EPHA6: variants seen among roughly 807,000 people sequenced by gnomAD.
The protein encoded by EPHA6 is ephrin type-A receptor 6.
EPHA6 carries 50 observed loss-of-function variants against 112.0 expected under a neutral mutation model. The ratio of observed to expected loss-of-function variants is 0.45; its 90% confidence interval spans 0.36 to 0.56. The LOEUF (loss-of-function observed/expected upper bound fraction) is 0.56, where lower values mean the gene tolerates loss of function less well. EPHA6 is among the 20% of genes least tolerant of loss of function. The pLI is 0.00. For missense variants in EPHA6, 1,280 were observed against 1,417.4 expected (o/e 0.90, Z 1.56); for synonymous variants, 529 against 490.7 (o/e 1.08, Z -1.03).
At chr3:97,683,538 C>G (rs1297753905) in intron 14 of EPHA6, among the ~76,000 whole-genome samples, 1 of 151,964 alleles carries the variant, frequency 6.6e-6, no homozygotes, top group Non-Finnish European at 1.5e-5. Flanking sequence ...AAAATGAAAC[C>G]TTACAATTTT....
chr3:97,489,817 A>ATATCT (rs58032754), intron 10 of EPHA6, among the ~76,000 whole-genome samples: 10,319 of 152,178 alleles, frequency 0.068, 1,077 homozygotes, highest in African/African-American at 0.22. Context: ...AATTATTTAA[A>ATATCT]TAACGTAAAA....
intron 2 of EPHA6, among the ~76,000 whole-genome samples, chr3:96,938,733 T>C (rs571499339): frequency 0.016 from 2,441 of 151,674 alleles, 58 homozygotes; most frequent in African/African-American, 0.05. Flanking sequence ...CAGTGTGATA[T>C]TGGCTGTGGG....
intron 5 of EPHA6, among the ~76,000 whole-genome samples, chr3:97,281,234 CGT>C (rs2080278319): frequency 1.4e-5 from 2 of 144,382 alleles, no homozygotes; most frequent in Middle Eastern, 3.2e-3. Flanking sequence ...TGTGTGCGCG[CGT>C]GTGTGCATGA....
intron 2 of EPHA6, among the ~76,000 whole-genome samples, chr3:96,936,864 G>C (rs1007173099): frequency 6.6e-6 from 1 of 151,986 alleles, no homozygotes; most frequent in South Asian, 2.1e-4. Context: ...GTGGTGTTTG[G>C]TATTTTGTCC....
intron 5 of EPHA6, among the ~76,000 whole-genome samples, chr3:97,299,976 T>G (rs911201097): frequency 6.6e-6 from 1 of 152,014 alleles, no homozygotes; most frequent in African/African-American, 2.4e-5. Flanking sequence ...ATTCTTATAG[T>G]ATAATAGGAA....
At position 97,365,866 on chromosome 3, in the gene EPHA6, G is replaced by T. The variant is rs140667501; in HGVS notation, c.1607-39284G>T. On this transcript the variant is annotated intron_variant, in intron 5 of 17. Transcript: ENST00000389672. The stretch of plus-strand genomic sequence containing the variant: ...AACTAGTCTGTTTTGATCATCCCTA[G>T]GTTAAGGGGTTTGCTTTGGTTTTCA... Among the ~76,000 whole-genome samples, 3 of 152,138 alleles carry T rather than the reference G, an allele frequency of 2.0e-5. No homozygotes were observed. In the East Asian group the frequency reaches 5.8e-4, roughly 29 times the overall value.
At chr3:96,843,492 G>A (rs2034875849) in intron 1 of EPHA6, among the ~76,000 whole-genome samples, 1 of 151,082 alleles carries the variant, frequency 6.6e-6, no homozygotes, top group African/African-American at 2.5e-5. Context: ...TTTAGCTTAG[G>A]TTAGTTAGGA....
chr3:97,589,294 A>C (rs2093521233), intron 11 of EPHA6, among the ~76,000 whole-genome samples: 1 of 151,680 alleles, frequency 6.6e-6, no homozygotes, highest in Admixed American at 6.6e-5. Context: ...TTAAATATAT[A>C]TTTTTTAGGA....
At chr3:97,183,349 A>C (rs1431317410) in intron 3 of EPHA6, among the ~76,000 whole-genome samples, 3 of 152,174 alleles carry the variant, frequency 2.0e-5, no homozygotes, top group African/African-American at 7.2e-5. Context: ...AATACAAATT[A>C]AAATGATGAG....
chr3:97,328,938 G>C (rs944256168), intron 5 of EPHA6, among the ~76,000 whole-genome samples: 3 of 151,958 alleles, frequency 2.0e-5, no homozygotes, highest in African/African-American at 7.3e-5. Flanking sequence ...ATAACATTAG[G>C]CATATCTCCT....
At chr3:97,073,154 A>C (rs1274020623) in intron 3 of EPHA6, among the ~76,000 whole-genome samples, 1 of 152,152 alleles carries the variant, frequency 6.6e-6, no homozygotes, top group Non-Finnish European at 1.5e-5. Flanking sequence ...TTTACAGTCC[A>C]AATAAGAAAT....
At chr3:96,930,739 C>T (rs889207417) in intron 2 of EPHA6, among the ~76,000 whole-genome samples, 11 of 152,008 alleles carry the variant, frequency 7.2e-5, no homozygotes, top group Admixed American at 5.9e-4. Context: ...TGCCTGTAAT[C>T]CCGGAACTTT....
At chr3:97,449,207 G>A (rs1356245585) in intron 7 of EPHA6, among the ~76,000 whole-genome samples, 1 of 151,936 alleles carries the variant, frequency 6.6e-6, no homozygotes, top group Non-Finnish European at 1.5e-5. Flanking sequence ...CATTAATTCC[G>A]GGACCTCAAC....
chr3:97,526,612 C>T (rs981722158), intron 10 of EPHA6, among the ~76,000 whole-genome samples: 15 of 150,726 alleles, frequency 1.0e-4, no homozygotes, highest in African/African-American at 3.7e-4. Context: ...GCAAGACTGT[C>T]CAAGTGCATC....
At chr3:97,041,779 G>T (rs1015108209) in intron 3 of EPHA6, among the ~76,000 whole-genome samples, 4 of 152,076 alleles carry the variant, frequency 2.6e-5, no homozygotes, top group African/African-American at 9.7e-5. Flanking sequence ...CAGAGAAAAA[G>T]GGAGAGAGAG....
intron 1 of EPHA6, among the ~76,000 whole-genome samples, chr3:96,844,799 C>G (rs1431555918): frequency 6.6e-6 from 1 of 151,784 alleles, no homozygotes; most frequent in East Asian, 1.9e-4. Flanking sequence ...AGTGTGTGAT[C>G]AAGACAGATG....
intron 3 of EPHA6, among the ~76,000 whole-genome samples, chr3:97,037,534 A>T (rs568397776): frequency 3.0e-4 from 46 of 152,172 alleles, no homozygotes; most frequent in African/African-American, 1.1e-3. Flanking sequence ...GGGAAGAGAT[A>T]AAGTTGAAAA....
intron 2 of EPHA6, among the ~76,000 whole-genome samples, chr3:96,970,344 T>C (rs1448696920): frequency 1.3e-5 from 2 of 151,792 alleles, no homozygotes; most frequent in African/African-American, 2.4e-5. Context: ...CATCCTAACT[T>C]ATAATTGTGT....
intron 3 of EPHA6, among the ~76,000 whole-genome samples, chr3:97,130,208 T>A (rs374549320): frequency 2.0e-5 from 3 of 152,148 alleles, no homozygotes; most frequent in Non-Finnish European, 4.4e-5. Flanking sequence ...TCTCTTGGAT[T>A]ATGCACATGT....
Sources: gnomAD v4.1 joint callset for allele counts (sites outside exome capture counted in the v4.1 genomes callset) on GRCh38, gnomAD v4.1.1 for gene constraint, MANE v1.5 for transcripts, NCBI Gene and HGNC (gene_info 2026-07-23, HGNC 2026-07-21) for gene names.